Variants in KCNG3 observed in about 807,000 individuals in gnomAD.
KCNG3 encodes the protein voltage-gated potassium channel regulatory subunit KCNG3.
KCNG3 carries 15 observed loss-of-function variants against 29.0 expected under a neutral mutation model. The ratio of observed to expected loss-of-function variants is 0.52; its 90% CI spans 0.35 to 0.80. The LOEUF (loss-of-function observed/expected upper bound fraction) is 0.80, where lower values mean the gene tolerates loss of function less well. Ranked by LOEUF, KCNG3 falls within the 30% of genes least tolerant of loss-of-function variation. The pLI, the probability that KCNG3 is intolerant of heterozygous loss-of-function variation, is 0.01. For missense variants in KCNG3, 512 were observed against 605.7 expected (o/e 0.85, Z 1.62); for synonymous variants, 322 against 248.9 (o/e 1.29, Z -2.76).
the KCNG3 span, among the ~76,000 whole-genome samples, chr2:42,419,396 C>T: frequency 0.095 from 14,326 of 151,478 alleles, 921 homozygotes; most frequent in South Asian, 0.26. Context: ...TGCCACCATG[C>T]CCGGCCAATT....
chr2:42,407,937 C>T, the KCNG3 span, among the ~76,000 whole-genome samples: 1 of 152,238 alleles, frequency 6.6e-6, no homozygotes, highest in South Asian at 2.1e-4. Context: ...GAAAGCCCCA[C>T]CTGACCTTGC....
the KCNG3 span, among the ~76,000 whole-genome samples, chr2:42,410,160 C>T: frequency 2.0e-5 from 3 of 151,992 alleles, no homozygotes; most frequent in African/African-American, 7.3e-5. Context: ...TTGTTGTTAC[C>T]TAGTATTCCA....
intron 1 of KCNG3, among the ~76,000 whole-genome samples, chr2:42,482,821 C>T (rs1673623199): frequency 6.6e-6 from 1 of 151,532 alleles, no homozygotes; most frequent in African/African-American, 2.4e-5. Context: ...TGAATTATAT[C>T]TCAATAAAGC....
chr2:42,453,087 CATTT>C (rs1672802618), intron 1 of KCNG3, among the ~76,000 whole-genome samples: 1 of 152,140 alleles, frequency 6.6e-6, no homozygotes, highest in South Asian at 2.1e-4. Context: ...TGGCCACATT[CATTT>C]GTTGATGACA....
chr2:42,448,329 C>T (rs1251315177), intron 1 of KCNG3, among the ~76,000 whole-genome samples: 1 of 150,486 alleles, frequency 6.6e-6, no homozygotes, highest in Non-Finnish European at 1.5e-5. Context: ...GGGTCTAAAT[C>T]CTGCCCACTT....
At chr2:42,394,492 A>G in the KCNG3 span, among the ~76,000 whole-genome samples, 1 of 152,100 alleles carries the variant, frequency 6.6e-6, no homozygotes, top group Non-Finnish European at 1.5e-5. Flanking sequence ...CCCTTCTCAC[A>G]TCTTCCTCTT....
the KCNG3 span, among the ~76,000 whole-genome samples, chr2:42,411,112 C>A: frequency 1.3e-5 from 2 of 151,930 alleles, no homozygotes; most frequent in East Asian, 3.9e-4. Flanking sequence ...GCATTTTAAT[C>A]TTTTTGATTT....
the KCNG3 span, among the ~76,000 whole-genome samples, chr2:42,436,530 T>G: frequency 6.6e-6 from 1 of 152,196 alleles, no homozygotes; most frequent in Non-Finnish European, 1.5e-5. Context: ...CTGGTCAAGG[T>G]AGTCATGTAC....
rs545568533 is a variant in KCNG3, at chr2:42,462,882, A to AT, written c.666-18304dup. 6.5e-4 allele frequency among the ~76,000 whole-genome samples: 99 copies of AT among 152,178 alleles called. No individual in the cohort carries two copies. In the East Asian group the frequency reaches 9.8e-3, roughly 15 times the overall value. Reference sequence around the variant, plus strand: ...ATCTTCCACTTGCAGCCACTGCAAGATTTTTTTAAAACCTGGCATCTCTAG... The same window carrying AT: ...ATCTTCCACTTGCAGCCACTGCAAGATTTTTTTTAAAACCTGGCATCTCTAG... On this transcript the variant is annotated intron_variant, in intron 1 of 1. Transcript: ENST00000306078.
intron 1 of KCNG3, among the ~76,000 whole-genome samples, chr2:42,480,855 C>T (rs1356515475): frequency 6.6e-6 from 1 of 151,062 alleles, no homozygotes; most frequent in Non-Finnish European, 1.5e-5. Flanking sequence ...GTGATCTTGG[C>T]TCACTGCAAC....
At chr2:42,465,944 A>G (rs2103698032) in intron 1 of KCNG3, among the ~76,000 whole-genome samples, 1 of 152,374 alleles carries the variant, frequency 6.6e-6, no homozygotes, top group East Asian at 1.9e-4. Context: ...AGAATAACAA[A>G]AATTTGTAAA....
chr2:42,440,010 C>T (rs901458417), downstream of KCNG3, among the ~76,000 whole-genome samples: 1 of 152,102 alleles, frequency 6.6e-6, no homozygotes, highest in Non-Finnish European at 1.5e-5. Context: ...GGAAGTATAT[C>T]CAGAGTACTA....
chr2:42,419,433 G>C, the KCNG3 span, among the ~76,000 whole-genome samples: 1 of 151,346 alleles, frequency 6.6e-6, no homozygotes, highest in Non-Finnish European at 1.5e-5. Context: ...AAAGAGATGG[G>C]GTTTCGCCAT....
At chr2:42,463,623 C>G in intron 1 of KCNG3, 1 of 175,686 alleles carries the variant, frequency 5.7e-6, no homozygotes, top group Non-Finnish European at 1.2e-5. Flanking sequence ...ACGGTGCAAC[C>G]CAGGTTGATA....
rs869226338 is a variant in KCNG3, at chr2:42,452,220, A to AATAT, written c.666-7645_666-7642dup. Among the ~76,000 whole-genome samples the AATAT allele has an allele frequency of 2.7e-3, 279 of 104,662 alleles. 1 individual carries two copies. Among genetic ancestry groups the AATAT allele is most frequent in the African/African-American group, 3.0e-3 (88 of 29,300 alleles). The allele number at this position is 104,662 out of a possible 152,430, so 68.7% of individuals were successfully genotyped here. Reference sequence around the variant, plus strand: ...TCACATCAGGGTAAATGGGGTGGTAAATATATATATATATATATATATATT... The same window carrying AATAT: ...TCACATCAGGGTAAATGGGGTGGTAAATATATATATATATATATATATATATATT... On this transcript the variant is annotated intron_variant, in intron 1 of 1. Transcript: ENST00000306078.
chr2:42,452,905 T>G (rs1351998065), intron 1 of KCNG3, among the ~76,000 whole-genome samples: 2 of 152,094 alleles, frequency 1.3e-5, no homozygotes, highest in African/African-American at 4.8e-5. Context: ...CCTCAGCATC[T>G]TGAGCAGCTG....
chr2:42,451,389 G>T (rs1672750997), intron 1 of KCNG3, among the ~76,000 whole-genome samples: 1 of 151,664 alleles, frequency 6.6e-6, no homozygotes, highest in Non-Finnish European at 1.5e-5. Context: ...ACCAGCCTGG[G>T]CAACAAAGCA....
the KCNG3 span, among the ~76,000 whole-genome samples, chr2:42,390,084 G>C: frequency 4.9e-3 from 745 of 152,320 alleles, 5 homozygotes; most frequent in African/African-American, 0.017. Flanking sequence ...AAGGACATAT[G>C]TGTGTTCCTA....
intron 1 of KCNG3, 83 bp downstream of exon 1, chr2:42,492,754 G>A (rs1316822872): frequency 2.3e-5 from 29 of 1,271,922 alleles, no homozygotes; most frequent in Non-Finnish European, 3.0e-5. Context: ...CCCGGAGGCG[G>A]ACAGGACGGA....
Sources: gnomAD v4.1 joint callset for allele counts (sites outside exome capture counted in the v4.1 genomes callset) on GRCh38, gnomAD v4.1.1 for gene constraint, MANE v1.5 for transcripts, NCBI Gene and HGNC (gene_info 2026-07-23, HGNC 2026-07-21) for gene names.